Variants in RBFOX1 observed in about 807,000 individuals in gnomAD.
RBFOX1 encodes the protein RNA binding protein fox-1 homolog 1.
RBFOX1 carries 8 observed loss-of-function variants against 57.7 expected under a neutral mutation model. The observed-to-expected ratio is 0.14, with a 90% CI of 0.08 to 0.25. The LOEUF is 0.25. Among genes scored for constraint, RBFOX1 ranks in the 10% least tolerant of loss-of-function variants. The pLI is 1.00. For synonymous variants in RBFOX1, 326 were observed against 222.4 expected (o/e 1.47, Z -4.15); for missense variants, 611 against 548.5 (o/e 1.11, Z -1.14).
chr16:7,134,063 G>A (rs1050177582), intron 4 of RBFOX1, among the ~76,000 whole-genome samples: 1 of 152,134 alleles, frequency 6.6e-6, no homozygotes, highest in Admixed American at 6.6e-5. Context: ...AGTAATGGAG[G>A]GAATCACGTT....
chr16:6,812,304 T>A (rs2088871487), intron 3 of RBFOX1, among the ~76,000 whole-genome samples: 1 of 152,198 alleles, frequency 6.6e-6, no homozygotes, highest in Non-Finnish European at 1.5e-5. Context: ...GACGGTCTAC[T>A]AACAGAACCT....
At chr16:6,441,047 T>G (rs1178568367) in intron 2 of RBFOX1, among the ~76,000 whole-genome samples, 7 of 151,946 alleles carry the variant, frequency 4.6e-5, no homozygotes, top group African/African-American at 1.5e-4. Flanking sequence ...GAGACCAGGA[T>G]GTTGAGTGCA....
chr16:5,842,364 C>T (rs1171936656), intron 3 of RBFOX1, among the ~76,000 whole-genome samples: 2 of 152,144 alleles, frequency 1.3e-5, no homozygotes, highest in African/African-American at 2.4e-5. Context: ...TTTGTTCTCT[C>T]TGTGGGAAAT....
intron 3 of RBFOX1, among the ~76,000 whole-genome samples, chr16:6,892,681 A>AC (rs2065754483): frequency 7.0e-6 from 1 of 142,996 alleles, no homozygotes; most frequent in Non-Finnish European, 1.6e-5. Flanking sequence ...ACAAACAAAC[A>AC]AAAAAGCCTG....
intron 2 of RBFOX1, among the ~76,000 whole-genome samples, chr16:6,565,859 A>G (rs1055850044): frequency 1.3e-5 from 2 of 152,232 alleles, no homozygotes; most frequent in African/African-American, 2.4e-5. Context: ...TCAGGGTAAG[A>G]CAGGCTATGC....
At chr16:7,237,955 C>T (rs149740048) in intron 4 of RBFOX1, among the ~76,000 whole-genome samples, 161 of 152,280 alleles carry the variant, frequency 1.1e-3, no homozygotes, top group Non-Finnish European at 1.6e-3. Flanking sequence ...AGTGAGCCCA[C>T]GTCGCGTCCC....
At chr16:7,023,166 G>C (rs769575941) in intron 3 of RBFOX1, among the ~76,000 whole-genome samples, 3 of 152,088 alleles carry the variant, frequency 2.0e-5, no homozygotes, top group Non-Finnish European at 4.4e-5. Flanking sequence ...TGCAGAAGGA[G>C]GGAGGTAATG....
intron 3 of RBFOX1, among the ~76,000 whole-genome samples, chr16:6,757,156 C>T (rs2075932469): frequency 6.6e-6 from 1 of 151,986 alleles, no homozygotes; most frequent in African/African-American, 2.4e-5. Context: ...TAAATGCTAG[C>T]AAGGATGTGG....
At chr16:6,116,328 T>G (rs1416112797) in intron 1 of RBFOX1, among the ~76,000 whole-genome samples, 4 of 152,088 alleles carry the variant, frequency 2.6e-5, no homozygotes, top group African/African-American at 4.8e-5. Flanking sequence ...GATGACAGGT[T>G]GATGGGTGCA....
chr16:6,997,139 G>C (rs1203458262), intron 3 of RBFOX1, among the ~76,000 whole-genome samples: 2 of 152,074 alleles, frequency 1.3e-5, no homozygotes, highest in Admixed American at 6.6e-5. Flanking sequence ...ACTCTCAATA[G>C]TTGTCTTTTC....
intron 2 of RBFOX1, among the ~76,000 whole-genome samples, chr16:6,647,326 A>C (rs946030848): frequency 2.0e-5 from 3 of 151,928 alleles, no homozygotes; most frequent in Non-Finnish European, 4.4e-5. Flanking sequence ...GCTCGCTGCA[A>C]CTTCCGCCTC....
intron 3 of RBFOX1, among the ~76,000 whole-genome samples, chr16:6,840,246 T>C (rs2093384096): frequency 1.3e-5 from 2 of 152,140 alleles, no homozygotes; most frequent in African/African-American, 4.8e-5. Context: ...GCTTTGTCCA[T>C]CTTTTAGTCA....
At chr16:6,416,191 T>C (rs982583586) in intron 2 of RBFOX1, among the ~76,000 whole-genome samples, 5 of 152,244 alleles carry the variant, frequency 3.3e-5, no homozygotes, top group East Asian at 3.8e-4. Context: ...CTCTCGCTTA[T>C]GCGGAAGGAG....
intron 3 of RBFOX1, among the ~76,000 whole-genome samples, chr16:5,652,271 T>A (rs913072764): frequency 9.9e-5 from 15 of 152,200 alleles, no homozygotes; most frequent in Admixed American, 9.8e-4. Flanking sequence ...AACTACCTTA[T>A]AGGGTAGCTG....
At chr16:6,580,582 A>G (rs2097523277) in intron 2 of RBFOX1, among the ~76,000 whole-genome samples, 1 of 117,914 alleles carries the variant, frequency 8.5e-6, no homozygotes, top group African/African-American at 2.7e-5. Flanking sequence ...AAAACCAGAA[A>G]TGTCACAGGG....
chr16:6,343,040 G>C (rs887556184), intron 2 of RBFOX1, among the ~76,000 whole-genome samples: 1 of 152,128 alleles, frequency 6.6e-6, no homozygotes, highest in Admixed American at 6.5e-5. Flanking sequence ...TTCTGATAAG[G>C]ATTTTACTTT....
At chr16:7,468,939 ATT>A (rs1374791287) in intron 4 of RBFOX1, among the ~76,000 whole-genome samples, 1 of 147,320 alleles carries the variant, frequency 6.8e-6, no homozygotes, top group Non-Finnish European at 1.5e-5. Context: ...AGGCTGAGTA[ATT>A]TTTTTTTTTT....
At chr16:6,245,729 TAA>T (rs2097565639) in intron 1 of RBFOX1, among the ~76,000 whole-genome samples, 1 of 152,152 alleles carries the variant, frequency 6.6e-6, no homozygotes. Flanking sequence ...CTCTGAGAAC[TAA>T]AGACACCTGA....
intron 2 of RBFOX1, among the ~76,000 whole-genome samples, chr16:5,489,566 G>T (rs2042757034): frequency 6.6e-6 from 1 of 152,172 alleles, no homozygotes; most frequent in Admixed American, 6.5e-5. Context: ...GGGGACAATG[G>T]TGTCTATTCC....
Sources: allele counts gnomAD v4.1 joint callset (sites outside exome capture counted in the v4.1 genomes callset), GRCh38; gene constraint gnomAD v4.1.1; transcripts MANE v1.5; gene names NCBI Gene and HGNC (gene_info 2026-07-23, HGNC 2026-07-21).